Variants in CDC5L observed in about 807,000 individuals in gnomAD.
CDC5L encodes the protein cell division cycle 5 like, also known as cell division cycle 5-like protein.
A neutral mutation model predicts 104.1 loss-of-function variants in CDC5L; 18 were observed. The observed-to-expected ratio is 0.17, with a 90% CI of 0.12 to 0.26. The LOEUF (loss-of-function observed/expected upper bound fraction) is 0.26, where lower values mean the gene tolerates loss of function less well. CDC5L is among the 10% of genes least tolerant of loss of function. The pLI is 1.00. For missense variants in CDC5L, 673 were observed against 956.9 expected (o/e 0.70, Z 3.91); for synonymous variants, 331 against 322.7 (o/e 1.03, Z -0.28).
intron 1 of CDC5L, among the ~76,000 whole-genome samples, chr6:44,389,496 A>T (rs147960832): frequency 7.9e-5 from 12 of 152,232 alleles, no homozygotes; most frequent in Non-Finnish European, 1.6e-4. Context: ...TGGCTCCATT[A>T]ACTTTCTTGT....
chr6:44,393,441 T>C lies in CDC5L; in HGVS notation c.312-5T>C, dbSNP rs777537416. ...TGTGACTAACTCCTATGGGCTTTTT[T>C]CTAGGGATAAAGCTGCCCAAAGAGA... On this transcript the variant is annotated splice_polypyrimidine_tract_variant and splice_region_variant and intron_variant, in intron 3 of 15. Coordinates refer to ENST00000371477, the MANE Select transcript of CDC5L (RefSeq NM_001253.4). 1 of 1,613,176 alleles carries C rather than the reference T, an allele frequency of 6.2e-7. No homozygotes were observed.
intron 8 of CDC5L, among the ~76,000 whole-genome samples, chr6:44,412,396 T>C (rs1791685858): frequency 6.6e-6 from 1 of 151,686 alleles, no homozygotes. Context: ...CAGACAGTTT[T>C]TTTACTTTTA....
At chr6:44,390,635 G>A (rs1046830165) in intron 2 of CDC5L, among the ~76,000 whole-genome samples, 3 of 152,100 alleles carry the variant, frequency 2.0e-5, no homozygotes, top group South Asian at 4.1e-4. Flanking sequence ...AGAGATGTGA[G>A]TTGTCATCTA....
At chr6:44,440,110 A>T (rs1048724916) in intron 14 of CDC5L, among the ~76,000 whole-genome samples, 2 of 152,182 alleles carry the variant, frequency 1.3e-5, no homozygotes, top group African/African-American at 4.8e-5. Context: ...AACTTTTATA[A>T]AAATCTGAAG....
intron 1 of CDC5L, among the ~76,000 whole-genome samples, 200 bp from the exon 2 acceptor site, chr6:44,390,068 G>A (rs1790520113): frequency 6.6e-6 from 1 of 152,130 alleles, no homozygotes; most frequent in Admixed American, 6.5e-5. Context: ...CTTTCTAAGG[G>A]ATTTCTTCTT....
chr6:44,394,855 CAAAAAAAAAAAAAAA>C (rs60864045), intron 4 of CDC5L, among the ~76,000 whole-genome samples: 5 of 59,064 alleles, frequency 8.5e-5, no homozygotes, highest in African/African-American at 3.3e-4. Flanking sequence ...GACCCTGTCT[CAAAAAAAAAAAAAAA>C]AAAAAAAAAA....
At chr6:44,424,323 G>A in intron 10 of CDC5L, 96 bp from the exon 11 acceptor site, 2 of 1,033,556 alleles carry the variant, frequency 1.9e-6, no homozygotes, top group Non-Finnish European at 1.4e-6. Flanking sequence ...TTTGACTAGA[G>A]TCACCCTGTT....
intron 8 of CDC5L, among the ~76,000 whole-genome samples, chr6:44,416,702 T>C (rs755295210): frequency 3.3e-5 from 5 of 152,238 alleles, no homozygotes; most frequent in Non-Finnish European, 5.9e-5. Flanking sequence ...GGCATTTTAC[T>C]GGGCCAATCT....
intron 14 of CDC5L, among the ~76,000 whole-genome samples, chr6:44,433,962 T>C (rs1792805750): frequency 6.6e-6 from 1 of 152,210 alleles, no homozygotes; most frequent in South Asian, 2.1e-4. Context: ...TTGTCAGATA[T>C]CAGCAGGTTT....
Position 44,446,713 on chromosome 6 carries a change from G to T in CDC5L, c.*2G>T. The T allele has an allele frequency of 1.4e-6, 2 of 1,422,570 alleles. No homozygotes were observed. Among genetic ancestry groups the T allele is most frequent in the Non-Finnish European group, 2.0e-6 (2 of 1,020,510 alleles). The allele number at this position is 1,422,570 out of a possible 1,614,324, so 88.1% of individuals were successfully genotyped here. A position where few individuals can be genotyped will look rare whatever the true frequency, so the allele number is the denominator to read the frequency against. ...GAGACTTTAAAGTCAAAATTCTGAA[G>T]TACAGTTTATATTCTGTCACAGGAT... On this transcript the variant is annotated 3_prime_UTR_variant, in exon 16 of 16. Coordinates refer to ENST00000371477, the MANE Select transcript of CDC5L (RefSeq NM_001253.4).
At chr6:44,408,686 GTATCAT>G in intron 8 of CDC5L, 54 bp downstream of exon 8, 1 of 1,336,484 alleles carries the variant, frequency 7.5e-7, no homozygotes, top group Non-Finnish European at 1.0e-6. Flanking sequence ...GTCCTTAGAA[GTATCAT>G]GCAGGAGAAC....
chr6:44,423,961 CCA>C (rs1272077078), intron 10 of CDC5L, among the ~76,000 whole-genome samples: 1 of 151,944 alleles, frequency 6.6e-6, no homozygotes, highest in African/African-American at 2.4e-5. Flanking sequence ...TTGGAATATC[CCA>C]GAGTATCTTC....
chr6:44,422,920 C>T, intron 10 of CDC5L, 111 bp downstream of exon 10: 2 of 573,304 alleles, frequency 3.5e-6, no homozygotes, highest in South Asian at 7.3e-5. Flanking sequence ...AGAATCTATA[C>T]ACCTGTGGAT....
chr6:44,417,141 G>A (rs1256577088), intron 8 of CDC5L, among the ~76,000 whole-genome samples: 3 of 152,126 alleles, frequency 2.0e-5, no homozygotes, highest in Non-Finnish European at 4.4e-5. Context: ...TGATGTCTAG[G>A]GCCTTAGTAA....
At position 44,391,643 on chromosome 6, in the gene CDC5L, A is replaced by C. The variant is rs139163948; in HGVS notation, c.150-1024A>C. 7.5e-4 allele frequency among the ~76,000 whole-genome samples: 114 copies of C among 152,292 alleles called. 1 individual carries two copies. The Middle Eastern group carries it at 0.01, about 14-fold the overall frequency. On this transcript the variant is annotated intron_variant, in intron 2 of 15. Coordinates refer to ENST00000371477, the MANE Select transcript of CDC5L (RefSeq NM_001253.4). Reference sequence around the variant, plus strand: ...TAGCACCATCCCCAAGTCATGTGGCATTAGGAAAATACTTTGGATTGTATA... The same window carrying C: ...TAGCACCATCCCCAAGTCATGTGGCCTTAGGAAAATACTTTGGATTGTATA...
chr6:44,434,721 C>T (rs999754889), intron 14 of CDC5L, among the ~76,000 whole-genome samples: 4 of 152,086 alleles, frequency 2.6e-5, no homozygotes, highest in Non-Finnish European at 5.9e-5. Flanking sequence ...GTATTGGAGA[C>T]CCAAGGATAA....
chr6:44,390,407 G>T, intron 2 of CDC5L, 36 bp downstream of exon 2: 1 of 1,281,348 alleles, frequency 7.8e-7, no homozygotes, highest in Non-Finnish European at 1.1e-6. Flanking sequence ...AACAGAAAAG[G>T]AGCTTAATTA....
chr6:44,445,165 A>G (rs1793390677), intron 14 of CDC5L, among the ~76,000 whole-genome samples: 1 of 152,114 alleles, frequency 6.6e-6, no homozygotes, highest in Admixed American at 6.5e-5. Flanking sequence ...GTGATCTAGG[A>G]AGACTTGCAC....
intron 2 of CDC5L, among the ~76,000 whole-genome samples, chr6:44,391,068 T>C (rs1257965520): frequency 2.3e-5 from 3 of 131,674 alleles, no homozygotes; most frequent in African/African-American, 8.7e-5. Flanking sequence ...ATATTTAATA[T>C]GTTATATATT....
Sources: allele counts gnomAD v4.1 joint callset (sites outside exome capture counted in the v4.1 genomes callset), GRCh38; gene constraint gnomAD v4.1.1; transcripts MANE v1.5; gene names NCBI Gene and HGNC (gene_info 2026-07-23, HGNC 2026-07-21).